ZNF540: variants seen among roughly 807,000 people sequenced by gnomAD.
The protein encoded by ZNF540 is CTD-3064H18.6.
In ZNF540, 3 loss-of-function variants were observed where a neutral mutation model predicts 11.8. That is an observed-to-expected ratio of 0.25 (90% CI 0.12 to 0.65). ZNF540 has a LOEUF of 0.65. Ranked by LOEUF, ZNF540 falls within the 30% of genes least tolerant of loss-of-function variation. The pLI, the probability that ZNF540 is intolerant of heterozygous loss-of-function variation, is 0.83. For missense variants in ZNF540, 709 were observed against 793.1 expected, an observed-to-expected ratio of 0.89 and a Z score of 1.27; for synonymous variants, 247 against 259.0, an observed-to-expected ratio of 0.95 and a Z score of 0.45.
upstream of ZNF540, among the ~76,000 whole-genome samples, chr19:37,592,288 T>A (rs12459015): frequency 0.25 from 38,416 of 151,898 alleles, 5,484 homozygotes; most frequent in East Asian, 0.63. Flanking sequence ...CAATCATAAG[T>A]GGACGTTATA....
intron 4 of ZNF540, among the ~76,000 whole-genome samples, chr19:37,609,801 T>C (rs1321444873): frequency 6.6e-6 from 1 of 152,024 alleles, no homozygotes; most frequent in Admixed American, 6.6e-5. Context: ...TGAGCCGAGA[T>C]TGTGCCACTG....
chr19:37,565,719 G>C (rs2042831975), intron 1 of ZNF540: 1 of 1,613,710 alleles, frequency 6.2e-7, no homozygotes, highest in Admixed American at 1.7e-5. Context: ...TCAGTGAGCT[G>C]TGAACCACGA....
At chr19:37,552,135 A>T (rs1369818791) in intron 1 of ZNF540, among the ~76,000 whole-genome samples, 1 of 151,954 alleles carries the variant, frequency 6.6e-6, no homozygotes. Flanking sequence ...CAAATAGGTA[A>T]TTTTTTACTT....
chr19:37,601,021 T>C lies in ZNF540; in HGVS notation c.148T>C (p.Ser50Pro). ...NNLVSLGYSG[S>P]KPDVITLLEQ... Reference sequence around the variant, plus strand: ...TTTCTTGTAAGCAGGATATTCTGGCTCAAAGCCAGATGTGATTACCTTACT... The same window carrying C: ...TTTCTTGTAAGCAGGATATTCTGGCCCAAAGCCAGATGTGATTACCTTACT... The change falls in exon 4 of 5, where the codon TCA becomes CCA. Residue 50 changes from serine (S) to proline (P), a missense_variant. Ser to Pro is a moderately conservative substitution (Grantham distance 74, BLOSUM62 -1). Transcript: ENST00000316433. The C allele has an allele frequency of 1.3e-6, 2 of 1,581,072 alleles. No individual in the cohort carries two copies. Among genetic ancestry groups the C allele is most frequent in the East Asian group, 2.3e-5 (1 of 42,810 alleles).
intron 1 of ZNF540, chr19:37,565,813 A>G (rs2042836080): frequency 6.2e-7 from 1 of 1,613,738 alleles, no homozygotes; most frequent in South Asian, 1.1e-5. Context: ...CAGAAGTACG[A>G]CCAAAGGCCT....
At chr19:37,594,002 G>A (rs1204615503), upstream of ZNF540, 8 of 152,134 alleles carry the variant, frequency 5.3e-5, no homozygotes, top group African/African-American at 1.2e-4. Context: ...GCCTCTCTTG[G>A]AAAACGCAGA....
chr19:37,581,465 TC>T (rs958029257), intron 1 of ZNF540, among the ~76,000 whole-genome samples: 1 of 149,370 alleles, frequency 6.7e-6, no homozygotes, highest in Non-Finnish European at 1.5e-5. Context: ...TTTCTTTCTT[TC>T]TTTTTTTTTT....
chr19:37,601,153 C>G lies in ZNF540; in HGVS notation c.232+48C>G, dbSNP rs368110164. The G allele has an allele frequency of 2.7e-6, 4 of 1,487,014 alleles. No homozygotes were observed. In the African/African-American group the frequency reaches 4.2e-5, roughly 16 times the overall value. The allele number at this position is 1,487,014 out of a possible 1,614,324, so 92.1% of individuals were successfully genotyped here. A position where few individuals can be genotyped will look rare whatever the true frequency, so the allele number is the denominator to read the frequency against. On this transcript the variant is annotated intron_variant, in intron 4 of 4. Coordinates refer to ENST00000316433, the MANE Select transcript of ZNF540 (RefSeq NM_001172225.3). ...AGATGGAAGCCCTCATTGCCAGTCA[C>G]GGCCAGCTGGTGAGGGAGCATATAC...
At position 37,613,208 on chromosome 19, in the gene ZNF540, C is replaced by T; in HGVS notation, c.1928C>T (p.Ala643Val). 2 of 1,569,220 alleles carry T rather than the reference C, an allele frequency of 1.3e-6. No individual in the cohort carries two copies. Among genetic ancestry groups the T allele is most frequent in the Non-Finnish European group, 1.7e-6 (2 of 1,158,126 alleles). Residue 643 changes from alanine to valine, a missense_variant, in exon 5 of 5, where the codon GCC (alanine) becomes GTC (valine). Physicochemically the swap from Ala to Val is moderately conservative, Grantham distance 64. Coordinates refer to ENST00000316433, the MANE Select transcript of ZNF540 (RefSeq NM_001172225.3). ...TATGAGTGTAAGGTATGTAGAAAGG[C>T]CTTTAGACAATATTCACATCTTTAT... is the stretch of plus-strand genomic sequence containing the variant. ...KPYECKVCRK[A>V]FRQYSHLYQH...
intron 4 of ZNF540, chr19:37,610,895 A>C (rs2044122727): frequency 6.6e-6 from 1 of 152,234 alleles, no homozygotes; most frequent in Non-Finnish European, 1.5e-5. Flanking sequence ...GATTTGGTTC[A>C]CTTGACTTGT....
At chr19:37,603,055 T>C (rs2147228558) in intron 4 of ZNF540, among the ~76,000 whole-genome samples, 1 of 144,916 alleles carries the variant, frequency 6.9e-6, no homozygotes, top group Admixed American at 7.1e-5. Flanking sequence ...TTGCCTAGGC[T>C]GCAGTGCAAT....
intron 1 of ZNF540, chr19:37,583,860 A>G: frequency 9.0e-7 from 1 of 1,112,192 alleles, no homozygotes. Flanking sequence ...GTCCATTTCT[A>G]CTTCTACTCA....
rs2044153264 is a variant in ZNF540 at position 37,614,085 on chromosome 19, G to A, written c.*822G>A. On this transcript the variant is annotated 3_prime_UTR_variant, in exon 5 of 5. Coordinates refer to ENST00000316433, the MANE Select transcript of ZNF540 (RefSeq NM_001172225.3). ...CCAAAACTGTGAGAAATAAACCTCA[G>A]TTGTTTATAAGCCACTGAGTCTACG... 1 of 386,070 alleles carries A rather than the reference G, an allele frequency of 2.6e-6. No individual in the cohort carries two copies. Among genetic ancestry groups the A allele is most frequent in the South Asian group, 1.4e-4 (1 of 6,916 alleles). The allele number at this position is 386,070 out of a possible 1,614,324, so 23.9% of individuals were successfully genotyped here.
rs777808056 is a variant in ZNF540 at position 37,612,092 on chromosome 19, A to C, written c.812A>C (p.Tyr271Ser). The stretch of plus-strand genomic sequence containing the variant: ...AAAATTCACACTGGTAAAAAACCCT[A>C]TATGTGTAAGAAATGTGATAAGGGT... ...HQKIHTGKKPYMCKKCDKGFF... is the reference protein window; with the variant it reads ...HQKIHTGKKPSMCKKCDKGFF... The change falls in exon 5 of 5, where the codon TAT (tyrosine) becomes TCT (serine). Residue 271 changes from tyrosine to serine, a missense_variant. Transcript: ENST00000316433. 4 of 1,611,724 alleles carry C rather than the reference A, an allele frequency of 2.5e-6. No individual in the cohort carries two copies. The African/African-American group carries it at 4.0e-5, about 16-fold the overall frequency.
chr19:37,567,904 C>T (rs570278321), intron 1 of ZNF540, among the ~76,000 whole-genome samples: 3 of 152,258 alleles, frequency 2.0e-5, no homozygotes, highest in East Asian at 3.9e-4. Context: ...CCCCAGAACA[C>T]AGTATACATA....
intron 1 of ZNF540, among the ~76,000 whole-genome samples, chr19:37,552,592 T>C (rs1182280402): frequency 1.3e-5 from 2 of 152,198 alleles, no homozygotes; most frequent in Admixed American, 6.5e-5. Flanking sequence ...TACACTTCTA[T>C]AGTATTATAA....
At chr19:37,553,390 C>T (rs2042629124) in intron 1 of ZNF540, among the ~76,000 whole-genome samples, 4 of 151,698 alleles carry the variant, frequency 2.6e-5, no homozygotes. Flanking sequence ...ACCTTGGCCT[C>T]CCAAAGTGCT....
At position 37,564,776 on chromosome 19, in the gene ZNF540, G is replaced by C. The variant is rs146385801; in HGVS notation, c.-73+13111G>C. On this transcript the variant is annotated intron_variant, in intron 1 of 4. Coordinates refer to the ZNF540 transcript ENST00000592533. ...TTCATAGGGTTTCTCTCCAGTATGA[G>C]TTCTCAGATGTTCAGTAAGGTGTGA... The C allele has an allele frequency of 7.3e-5, 118 of 1,613,012 alleles. 1 individual carries two copies. In the African/African-American group the frequency reaches 1.5e-3, roughly 20 times the overall value.
At chr19:37,551,638 T>C (rs2042605979) in exon 1 of ZNF540, 1 of 152,360 alleles carries the variant, frequency 6.6e-6, no homozygotes, top group African/African-American at 2.4e-5. Context: ...CGCGTCTCCT[T>C]GAACGTTGTC....
Sources: gnomAD v4.1 joint callset for allele counts (sites outside exome capture counted in the v4.1 genomes callset) on GRCh38, gnomAD v4.1.1 for gene constraint, MANE v1.5 for transcripts, NCBI Gene and HGNC (gene_info 2026-07-23, HGNC 2026-07-21) for gene names.